Variants in TAFA1 observed in about 807,000 individuals in gnomAD.
TAFA1 encodes the protein TAFA chemokine like family member 1.
TAFA1 carries 4 observed loss-of-function variants against 18.5 expected under a neutral mutation model. That is an observed-to-expected ratio of 0.22 (90% CI 0.11 to 0.49). The LOEUF is 0.49. Among genes scored for constraint, TAFA1 ranks in the 20% least tolerant of loss-of-function variants. The probability of loss-of-function intolerance (pLI) is 0.98; values close to 1 mark genes in which losing one functional copy is unlikely to be tolerated. For synonymous variants in TAFA1, 56 were observed against 55.2 expected, an observed-to-expected ratio of 1.01 and a Z score of -0.06; for missense variants, 147 against 169.0, an observed-to-expected ratio of 0.87 and a Z score of 0.72.
At chr3:68,269,121 T>C (rs1487931319) in intron 2 of TAFA1, among the ~76,000 whole-genome samples, 3 of 152,104 alleles carry the variant, frequency 2.0e-5, no homozygotes, top group South Asian at 2.1e-4. Context: ...TTCTCCCAAA[T>C]TGTAATGTGC....
chr3:68,407,335 C>T lies in TAFA1; in HGVS notation c.119-9945C>T, dbSNP rs1318790280. ...GATAAGTATAAGAATTATTGCAATC[C>T]AGGGCATTCACCCTGGATGTCAGTG... On this transcript the variant is annotated intron_variant, in intron 2 of 4. Transcript: ENST00000478136. Among the ~76,000 whole-genome samples the T allele has an allele frequency of 2.0e-5, 3 of 152,028 alleles. No individual in the cohort carries two copies. The South Asian group carries it at 6.2e-4, about 32-fold the overall frequency.
At chr3:68,391,886 T>C (rs1424486243) in intron 2 of TAFA1, among the ~76,000 whole-genome samples, 1 of 152,098 alleles carries the variant, frequency 6.6e-6, no homozygotes, top group African/African-American at 2.4e-5. Context: ...GAAAAATCAG[T>C]ACCAGCCACT....
intron 2 of TAFA1, among the ~76,000 whole-genome samples, chr3:68,344,975 A>G (rs113680843): frequency 3.3e-5 from 5 of 152,016 alleles, no homozygotes; most frequent in South Asian, 2.1e-4. Context: ...AGTTTATTTT[A>G]GTTCTTTACA....
chr3:68,412,936 C>T (rs910600643), intron 2 of TAFA1, among the ~76,000 whole-genome samples: 2 of 151,418 alleles, frequency 1.3e-5, no homozygotes, highest in South Asian at 2.1e-4. Context: ...GTTCTAGATC[C>T]CTGAGGAATT....
At chr3:68,312,887 A>G (rs2068544042) in intron 2 of TAFA1, among the ~76,000 whole-genome samples, 1 of 152,224 alleles carries the variant, frequency 6.6e-6, no homozygotes, top group South Asian at 2.1e-4. Flanking sequence ...TTACAAAAGA[A>G]AGAGGTTTAA....
At chr3:68,361,311 A>G (rs963121597) in intron 2 of TAFA1, among the ~76,000 whole-genome samples, 4 of 152,066 alleles carry the variant, frequency 2.6e-5, no homozygotes, top group Admixed American at 2.6e-4. Context: ...GGAGATAGAC[A>G]ATAGAATGAT....
At chr3:68,431,022 A>G (rs1057147892) in intron 3 of TAFA1, among the ~76,000 whole-genome samples, 3 of 151,836 alleles carry the variant, frequency 2.0e-5, no homozygotes, top group Admixed American at 2.0e-4. Flanking sequence ...ATTGGCACTT[A>G]AGTTATTCAA....
chr3:68,417,187 T>C (rs2070855434), intron 2 of TAFA1, 93 bp from the exon 3 acceptor site: 1 of 961,130 alleles, frequency 1.0e-6, no homozygotes, highest in Non-Finnish European at 1.6e-6. Flanking sequence ...TAATTTCAAT[T>C]ACTTTCCTCA....
intron 3 of TAFA1, among the ~76,000 whole-genome samples, chr3:68,440,105 T>C (rs2071346619): frequency 6.6e-6 from 1 of 151,840 alleles, no homozygotes; most frequent in African/African-American, 2.4e-5. Context: ...TGGGAGAAAC[T>C]GGGTGGGAGG....
intron 3 of TAFA1, among the ~76,000 whole-genome samples, chr3:68,442,607 T>A (rs1368537569): frequency 6.6e-6 from 1 of 151,832 alleles, no homozygotes; most frequent in South Asian, 2.1e-4. Flanking sequence ...AGTGAGTGAA[T>A]GAAGGAAAAA....
chr3:68,322,953 A>T (rs1039606813), intron 2 of TAFA1, among the ~76,000 whole-genome samples: 1 of 152,050 alleles, frequency 6.6e-6, no homozygotes, highest in Non-Finnish European at 1.5e-5. Flanking sequence ...AAAAAAGAAA[A>T]AGTATTTCTC....
At chr3:68,007,822 G>A (rs939024495) in intron 2 of TAFA1, among the ~76,000 whole-genome samples, 1 of 152,130 alleles carries the variant, frequency 6.6e-6, no homozygotes, top group African/African-American at 2.4e-5. Context: ...CTCCTCAGTC[G>A]GCCTGGACAC....
At chr3:68,414,075 C>T (rs574805720) in intron 2 of TAFA1, among the ~76,000 whole-genome samples, 6 of 152,234 alleles carry the variant, frequency 3.9e-5, no homozygotes, top group South Asian at 4.2e-4. Context: ...GAGGCCGAGA[C>T]GGGTGGATCA....
chr3:68,469,230 C>A (rs1220394573), intron 3 of TAFA1, among the ~76,000 whole-genome samples: 1 of 151,240 alleles, frequency 6.6e-6, no homozygotes. Context: ...TACTAGTATA[C>A]TAGTAGTATA....
At chr3:67,993,472 G>A in the TAFA1 span, among the ~76,000 whole-genome samples, 3 of 152,116 alleles carry the variant, frequency 2.0e-5, no homozygotes, top group Non-Finnish European at 4.4e-5. Context: ...CTTTACAAAA[G>A]CTAATAAACA....
intron 2 of TAFA1, among the ~76,000 whole-genome samples, chr3:68,309,407 C>T (rs1381464633): frequency 6.6e-6 from 1 of 152,000 alleles, no homozygotes; most frequent in African/African-American, 2.4e-5. Flanking sequence ...GGTATTATAC[C>T]TCTTACCTCA....
intron 2 of TAFA1, among the ~76,000 whole-genome samples, chr3:68,361,536 G>A (rs1559633460): frequency 6.6e-6 from 1 of 151,712 alleles, no homozygotes; most frequent in East Asian, 1.9e-4. Flanking sequence ...TCAAAGTAAT[G>A]GATAACCCCA....
At chr3:68,344,807 T>C (rs2069138443) in intron 2 of TAFA1, among the ~76,000 whole-genome samples, 1 of 152,178 alleles carries the variant, frequency 6.6e-6, no homozygotes, top group South Asian at 2.1e-4. Flanking sequence ...TCAAATATCC[T>C]TGAGTTATTT....
chr3:68,332,256 A>G (rs2106733025), intron 2 of TAFA1, among the ~76,000 whole-genome samples: 1 of 152,248 alleles, frequency 6.6e-6, no homozygotes, highest in East Asian at 1.9e-4. Flanking sequence ...CCATACATAG[A>G]AATCAATTCC....
Sources: allele counts gnomAD v4.1 joint callset (sites outside exome capture counted in the v4.1 genomes callset), GRCh38; gene constraint gnomAD v4.1.1; transcripts MANE v1.5; gene names NCBI Gene and HGNC (gene_info 2026-07-23, HGNC 2026-07-21).